UBTD2: variants seen among roughly 807,000 people sequenced by gnomAD.
UBTD2 encodes the protein ubiquitin domain containing 2.
UBTD2 carries 9 observed loss-of-function variants against 19.8 expected under a neutral mutation model. The ratio of observed to expected loss-of-function variants is 0.46; its 90% CI spans 0.27 to 0.79. The LOEUF is 0.79. UBTD2 is among the 30% of genes least tolerant of loss of function. UBTD2 has a pLI of 0.14. For missense variants in UBTD2, 250 were observed against 300.4 expected (o/e 0.83, Z 1.24); for synonymous variants, 98 against 103.9 (o/e 0.94, Z 0.35).
chr5:172,263,036 C>T (rs943224133), intron 1 of UBTD2, among the ~76,000 whole-genome samples: 2 of 152,026 alleles, frequency 1.3e-5, no homozygotes, highest in African/African-American at 4.8e-5. Context: ...GACCTCCGGG[C>T]GAGCGATCCT....
chr5:172,211,683 A>T lies in UBTD2; in HGVS notation c.*147T>A. The T allele has an allele frequency of 1.2e-6, 1 of 866,500 alleles. No individual in the cohort carries two copies. Among genetic ancestry groups the T allele is most frequent in the East Asian group, 2.9e-5 (1 of 34,240 alleles). 53.7% of individuals were successfully genotyped at this position (866,500 alleles called of 1,614,324 possible). ...TTTTGTTGGTCTCCATCACAGATGG[A>T]ATTTTTCACTGGTAATTCCTCAGAA... On this transcript the variant is annotated 3_prime_UTR_variant, in exon 3 of 3. Coordinates refer to ENST00000393792, the MANE Select transcript of UBTD2 (RefSeq NM_152277.3).
rs549538797 is a variant in UBTD2, at chr5:172,211,733, G to A, written c.*97C>T. The A allele has an allele frequency of 7.6e-7, 1 of 1,319,648 alleles. No homozygotes were observed. The highest frequency in any genetic ancestry group is 2.4e-5 in the East Asian group (1 of 41,402). 81.7% of individuals were successfully genotyped at this position (1,319,648 alleles called of 1,614,324 possible). A position where few individuals can be genotyped will look rare whatever the true frequency, so the allele number is the denominator to read the frequency against. Reference sequence around the variant, plus strand: ...ACTAAATCCATTCATAGGGAATTTAGAGCAGTGAAATAGATTTCACGCCGC... The same window carrying A: ...ACTAAATCCATTCATAGGGAATTTAAAGCAGTGAAATAGATTTCACGCCGC... On this transcript the variant is annotated 3_prime_UTR_variant, in exon 3 of 3. Coordinates refer to ENST00000393792, the MANE Select transcript of UBTD2 (RefSeq NM_152277.3).
rs142831525 is a variant in UBTD2, at chr5:172,226,833, CT to C, written c.307+7288del. On this transcript the variant is annotated intron_variant, in intron 2 of 2. Transcript: ENST00000393792. Reference sequence around the variant, plus strand: ...AAGCAGAAGGTCTAGCTATCTCAAACTACCAAATCAGCCATCAAGACTGTGG... The same window carrying C: ...AAGCAGAAGGTCTAGCTATCTCAAACACCAAATCAGCCATCAAGACTGTGG... Among the ~76,000 whole-genome samples, 911 of 152,304 alleles carry C rather than the reference CT, an allele frequency of 6.0e-3. 10 individuals carry two copies. The highest frequency in any genetic ancestry group is 0.021 in the African/African-American group (872 of 41,554).
chr5:172,279,478 T>C (rs1755669600), intron 1 of UBTD2, among the ~76,000 whole-genome samples: 2 of 152,198 alleles, frequency 1.3e-5, no homozygotes, highest in South Asian at 2.1e-4. Flanking sequence ...CAAGACATTC[T>C]GGAATAGAGA....
At chr5:172,275,388 C>T (rs1755587485) in intron 1 of UBTD2, among the ~76,000 whole-genome samples, 1 of 152,086 alleles carries the variant, frequency 6.6e-6, no homozygotes, top group South Asian at 2.1e-4. Context: ...CGGTATCACA[C>T]CACAGCTAGA....
intron 1 of UBTD2, among the ~76,000 whole-genome samples, chr5:172,258,462 G>C (rs1038129401): frequency 1.3e-5 from 2 of 152,064 alleles, no homozygotes; most frequent in Admixed American, 6.6e-5. Context: ...TTGGCTTTTT[G>C]GCCTTTTTGG....
chr5:172,239,222 T>C (rs1164334775), intron 1 of UBTD2, among the ~76,000 whole-genome samples: 3 of 152,180 alleles, frequency 2.0e-5, no homozygotes, highest in Admixed American at 6.5e-5. Flanking sequence ...TACTGACAGA[T>C]AGGAAACTAA....
rs758440849 is a variant in UBTD2 at position 172,270,350 on chromosome 5, A to ATTTT, written c.70+13242_70+13245dup. Among the ~76,000 whole-genome samples, 225 of 98,746 alleles carry ATTTT rather than the reference A, an allele frequency of 2.3e-3. 4 individuals carry two copies. Among genetic ancestry groups the ATTTT allele is most frequent in the African/African-American group, 8.3e-3 (194 of 23,246 alleles). The allele number at this position is 98,746 out of a possible 152,430, so 64.8% of individuals were successfully genotyped here. On this transcript the variant is annotated intron_variant, in intron 1 of 2. Coordinates refer to ENST00000393792, the MANE Select transcript of UBTD2 (RefSeq NM_152277.3). Reference sequence around the variant, plus strand: ...AACTAGAAGTATTTAGAATTTTAGAATTTTTTTTTTTTTTTTTTTTTTTTG... The same window carrying ATTTT: ...AACTAGAAGTATTTAGAATTTTAGAATTTTTTTTTTTTTTTTTTTTTTTTTTTTG...
At chr5:172,263,576 C>T (rs759817927) in intron 1 of UBTD2, among the ~76,000 whole-genome samples, 4 of 152,092 alleles carry the variant, frequency 2.6e-5, no homozygotes, top group Non-Finnish European at 4.4e-5. Flanking sequence ...AGGCGGATCA[C>T]GAGGTCAGGA....
At chr5:172,232,071 G>C (rs560600319) in intron 2 of UBTD2, among the ~76,000 whole-genome samples, 169 of 152,212 alleles carry the variant, frequency 1.1e-3, no homozygotes, top group African/African-American at 3.9e-3. Flanking sequence ...AGGAGTTCGA[G>C]ACCAGCTTGG....
At chr5:172,267,098 T>A (rs1755394153) in intron 1 of UBTD2, among the ~76,000 whole-genome samples, 1 of 149,540 alleles carries the variant, frequency 6.7e-6, no homozygotes. Context: ...TTTTAAAAAC[T>A]GGTTCCAAAG....
At chr5:172,249,620 G>T (rs1171870497) in intron 1 of UBTD2, among the ~76,000 whole-genome samples, 1 of 152,100 alleles carries the variant, frequency 6.6e-6, no homozygotes, top group Admixed American at 6.6e-5. Context: ...ATACTTGGGA[G>T]GCTGAGATGG....
At chr5:172,232,698 A>T (rs1771927056) in intron 2 of UBTD2, among the ~76,000 whole-genome samples, 1 of 151,916 alleles carries the variant, frequency 6.6e-6, no homozygotes, top group South Asian at 2.1e-4. Context: ...TGCCTCTCCA[A>T]AAACAAAACA....
intron 1 of UBTD2, among the ~76,000 whole-genome samples, chr5:172,260,051 C>T (rs901102792): frequency 2.0e-5 from 3 of 150,924 alleles, no homozygotes; most frequent in African/African-American, 7.3e-5. Context: ...AAACTCTGTC[C>T]GCCCCCACCC....
intron 2 of UBTD2, among the ~76,000 whole-genome samples, chr5:172,229,616 C>T (rs1250349930): frequency 6.6e-6 from 1 of 150,966 alleles, no homozygotes; most frequent in African/African-American, 2.4e-5. Context: ...ATTGTAGATG[C>T]TAAACAAATA....
Position 172,211,656 on chromosome 5 carries a change from AT to A in UBTD2, c.*173del. On this transcript the variant is annotated 3_prime_UTR_variant, in exon 3 of 3. Transcript: ENST00000393792. Reference sequence around the variant, plus strand: ...AAAGCCTGGCTCTTTGTGTTTTATTATTTTTGTTGGTCTCCATCACAGATGG... The same window carrying A: ...AAAGCCTGGCTCTTTGTGTTTTATTATTTTGTTGGTCTCCATCACAGATGG... The A allele has an allele frequency of 1.7e-6, 1 of 601,720 alleles. No homozygotes were observed. The highest frequency in any genetic ancestry group is 2.6e-6 in the Non-Finnish European group (1 of 384,162). The allele number at this position is 601,720 out of a possible 1,614,324, so 37.3% of individuals were successfully genotyped here.
rs1755758129 is a variant in UBTD2 at position 172,283,317 on chromosome 5, A to G, written c.70+279T>C. Among the ~76,000 whole-genome samples the G allele has an allele frequency of 6.6e-6, 1 of 152,034 alleles. No individual in the cohort carries two copies. Among genetic ancestry groups the G allele is most frequent in the Admixed American group, 6.6e-5 (1 of 15,266 alleles). On this transcript the variant is annotated intron_variant, in intron 1 of 2. Transcript: ENST00000393792. The surrounding 1 kb of genome is among the most constrained non-coding windows in gnomAD (Gnocchi z 4.3). ...CTGGAGAGGGAGTGAGGTGGCCAGA[A>G]GGGCAGCTTCGGGTCCGACTTCCCC...
chr5:172,220,258 A>G (rs907092901), intron 2 of UBTD2, among the ~76,000 whole-genome samples: 3 of 152,234 alleles, frequency 2.0e-5, no homozygotes, highest in Non-Finnish European at 4.4e-5. Flanking sequence ...AGATGCTGAA[A>G]AAGCATATAA....
chr5:172,249,461 TAGAA>T (rs1009022219), intron 1 of UBTD2, among the ~76,000 whole-genome samples: 4 of 87,188 alleles, frequency 4.6e-5, no homozygotes, highest in Non-Finnish European at 1.0e-4. Flanking sequence ...TTCCAAAAAA[TAGAA>T]AGAACACTTC....
Sources: allele counts gnomAD v4.1 joint callset (sites outside exome capture counted in the v4.1 genomes callset), GRCh38; gene constraint gnomAD v4.1.1; non-coding constraint Gnocchi (gnomAD v3.1); transcripts MANE v1.5; gene names NCBI Gene and HGNC (gene_info 2026-07-23, HGNC 2026-07-21).